Variants in UMAD1 observed in about 807,000 individuals in gnomAD.
The protein encoded by UMAD1 is UBAP1-MVB12-associated (UMA)-domain containing protein 1.
Under a neutral mutation model 6.1 loss-of-function variants are expected in UMAD1, and 8 were observed. The ratio of observed to expected loss-of-function variants is 1.30; its 90% confidence interval spans 0.76 to 2.35. The LOEUF is 2.35. Among genes scored for constraint, UMAD1 ranks in the 30% most tolerant of loss-of-function variants. The pLI, the probability that UMAD1 is intolerant of heterozygous loss-of-function variation, is 0.00. For missense variants in UMAD1, 130 were observed against 78.4 expected, an observed-to-expected ratio of 1.66 and a Z score of -2.49; for synonymous variants, 56 against 31.4, an observed-to-expected ratio of 1.78 and a Z score of -2.61.
At position 7,777,517 on chromosome 7, in the gene UMAD1, A is replaced by G. The variant is rs113026870; in HGVS notation, c.83-24153A>G. Among the ~76,000 whole-genome samples the G allele has an allele frequency of 4.8e-4, 59 of 123,928 alleles. 3 individuals carry two copies. Among genetic ancestry groups the G allele is most frequent in the African/African-American group, 1.2e-3 (39 of 32,806 alleles). 81.3% of individuals were successfully genotyped at this position (123,928 alleles called of 152,430 possible). A position where few individuals can be genotyped will look rare whatever the true frequency, so the allele number is the denominator to read the frequency against. On this transcript the variant is annotated intron_variant, in intron 2 of 3. Transcript: ENST00000682710. Reference sequence around the variant, plus strand: ...TGAGACTCCATCTCAAAAAAAAAAAAAAAAAAGAAAAACTACAGTTAATAT... The same window carrying G: ...TGAGACTCCATCTCAAAAAAAAAAAGAAAAAAGAAAAACTACAGTTAATAT...
intron 2 of UMAD1, among the ~76,000 whole-genome samples, chr7:7,686,807 A>T (rs774590562): frequency 6.6e-6 from 1 of 152,190 alleles, no homozygotes; most frequent in African/African-American, 2.4e-5. Flanking sequence ...TTTCTGGCCA[A>T]TGGGATATAA....
intron 2 of UMAD1, among the ~76,000 whole-genome samples, chr7:7,778,409 T>G (rs1345595335): frequency 6.6e-6 from 1 of 151,722 alleles, no homozygotes. Flanking sequence ...AGATTTAAAG[T>G]TTTTCTTTTT....
At chr7:7,748,234 G>A (rs1027624942) in intron 2 of UMAD1, among the ~76,000 whole-genome samples, 4 of 151,810 alleles carry the variant, frequency 2.6e-5, no homozygotes, top group Admixed American at 2.0e-4. Flanking sequence ...GTGAGCCACC[G>A]TGCCCGGCCT....
chr7:7,769,266 G>GACTA lies in UMAD1; in HGVS notation c.83-32402_83-32399dup, dbSNP rs1239534172. Among the ~76,000 whole-genome samples, 5 of 152,244 alleles carry GACTA rather than the reference G, an allele frequency of 3.3e-5. No homozygotes were observed. The East Asian group carries it at 9.6e-4, about 29-fold the overall frequency. On this transcript the variant is annotated intron_variant, in intron 2 of 3. Transcript: ENST00000682710. ...TAAATCTGCTTCTGTCAATTAGGGA[G>GACTA]ACTAAGTAGCTTTAACTTCCATAAA...
Position 7,879,046 on chromosome 7 carries a change from TAGTC to T in UMAD1, c.*1512_*1515del, listed in dbSNP as rs540416036. ...ACCCTTGAAATTAAATGCAAGCACA[TAGTC>T]AGTTTGTCTAATTTTGTGTGAAATT... On this transcript the variant is annotated 3_prime_UTR_variant, in exon 4 of 4. Coordinates refer to ENST00000682710, the MANE Select transcript of UMAD1 (RefSeq NM_001302348.2). 5.8e-4 allele frequency: 88 copies of T among 152,318 alleles called. No individual in the cohort carries two copies. The highest frequency in any genetic ancestry group is 2.0e-3 in the African/African-American group (84 of 41,580). The allele number at this position is 152,318 out of a possible 1,614,324, so 9.4% of individuals were successfully genotyped here.
intron 2 of UMAD1, among the ~76,000 whole-genome samples, chr7:7,766,543 T>G (rs2115237446): frequency 6.6e-6 from 1 of 152,352 alleles, no homozygotes; most frequent in Middle Eastern, 3.4e-3. Context: ...GTTGAATTTC[T>G]TCTTCTCAAT....
intron 2 of UMAD1, among the ~76,000 whole-genome samples, chr7:7,712,788 C>G (rs1780800277): frequency 6.6e-6 from 1 of 152,108 alleles, no homozygotes; most frequent in Admixed American, 6.5e-5. Context: ...CAATTGTGAA[C>G]TACTACATAC....
chr7:7,651,704 G>A (rs1045619951), intron 1 of UMAD1, among the ~76,000 whole-genome samples: 1 of 152,128 alleles, frequency 6.6e-6, no homozygotes, highest in Admixed American at 6.5e-5. Context: ...CACATTTCCT[G>A]GTTCACTCAA....
intron 3 of UMAD1, among the ~76,000 whole-genome samples, chr7:7,811,083 G>A (rs531617164): frequency 2.0e-5 from 3 of 152,124 alleles, no homozygotes; most frequent in East Asian, 1.9e-4. Context: ...ATTTTCCCCC[G>A]CAAAAGTGTA....
intron 2 of UMAD1, among the ~76,000 whole-genome samples, chr7:7,780,346 T>A (rs1196139880): frequency 6.6e-6 from 1 of 152,218 alleles, no homozygotes; most frequent in East Asian, 1.9e-4. Flanking sequence ...GTGACCTCCT[T>A]TCCTTCTAGC....
chr7:7,761,797 C>T (rs1021962203), intron 2 of UMAD1, among the ~76,000 whole-genome samples: 1 of 152,192 alleles, frequency 6.6e-6, no homozygotes, highest in East Asian at 1.9e-4. Flanking sequence ...GCTCTCCCCC[C>T]TTGTGACATC....
chr7:7,738,212 T>TA (rs2115201547), intron 2 of UMAD1, among the ~76,000 whole-genome samples: 1 of 152,336 alleles, frequency 6.6e-6, no homozygotes, highest in South Asian at 2.1e-4. Flanking sequence ...ATTGGAAGAA[T>TA]TTAGTATATT....
At chr7:7,759,998 A>G (rs1781852610) in intron 2 of UMAD1, among the ~76,000 whole-genome samples, 1 of 152,154 alleles carries the variant, frequency 6.6e-6, no homozygotes, top group African/African-American at 2.4e-5. Flanking sequence ...TGACTGCCTC[A>G]GTCAATAGAA....
intron 2 of UMAD1, among the ~76,000 whole-genome samples, chr7:7,768,291 G>A (rs1461481457): frequency 6.6e-6 from 1 of 152,134 alleles, no homozygotes; most frequent in Non-Finnish European, 1.5e-5. Context: ...CATAAAAAGA[G>A]AACAAGCATA....
At chr7:7,679,953 G>A (rs1185558334) in intron 2 of UMAD1, among the ~76,000 whole-genome samples, 6 of 151,892 alleles carry the variant, frequency 4.0e-5, no homozygotes, top group Non-Finnish European at 7.4e-5. Flanking sequence ...ATTGTCAGAT[G>A]AGTAGTTTGC....
At chr7:7,801,574 C>T (rs1403964822) in intron 2 of UMAD1, 96 bp from the exon 3 acceptor site, 1 of 636,746 alleles carries the variant, frequency 1.6e-6, no homozygotes, top group African/African-American at 1.8e-5. Flanking sequence ...TGATGTGAAA[C>T]ATATAATAAC....
intron 2 of UMAD1, among the ~76,000 whole-genome samples, chr7:7,798,714 AC>A (rs1392235681): frequency 6.6e-6 from 1 of 152,090 alleles, no homozygotes; most frequent in East Asian, 1.9e-4. Context: ...ATGCATTGGA[AC>A]CGTTCACCAG....
intron 2 of UMAD1, among the ~76,000 whole-genome samples, chr7:7,800,354 A>G (rs949846216): frequency 6.6e-6 from 1 of 152,266 alleles, no homozygotes; most frequent in East Asian, 1.9e-4. Flanking sequence ...GGGTTAATTT[A>G]TCTTAAATAT....
At chr7:7,850,788 G>A (rs1009748810) in intron 3 of UMAD1, among the ~76,000 whole-genome samples, 7 of 151,978 alleles carry the variant, frequency 4.6e-5, no homozygotes, top group African/African-American at 1.4e-4. Flanking sequence ...TAATGCTAAC[G>A]ATAAAATGAA....
Sources: gnomAD v4.1 joint callset for allele counts (sites outside exome capture counted in the v4.1 genomes callset) on GRCh38, gnomAD v4.1.1 for gene constraint, MANE v1.5 for transcripts, NCBI Gene and HGNC (gene_info 2026-07-23, HGNC 2026-07-21) for gene names.